MSRA: variants seen among roughly 807,000 people sequenced by gnomAD.
MSRA encodes the protein mitochondrial peptide methionine sulfoxide reductase.
MSRA carries 54 observed loss-of-function variants against 31.3 expected under a neutral mutation model. That is an observed-to-expected ratio of 1.73 (90% CI 1.39 to 2.17). MSRA has a LOEUF of 2.17. Ranked by LOEUF, MSRA falls within the 30% of genes most tolerant of loss-of-function variation. The pLI is 0.00. For missense variants in MSRA, 507 were observed against 300.9 expected, an observed-to-expected ratio of 1.69 and a Z score of -5.07; for synonymous variants, 169 against 116.5, an observed-to-expected ratio of 1.45 and a Z score of -2.90.
At chr8:10,303,674 C>T (rs535330526) in intron 4 of MSRA, among the ~76,000 whole-genome samples, 24 of 152,264 alleles carry the variant, frequency 1.6e-4, no homozygotes, top group Middle Eastern at 3.4e-3. Context: ...CTCTTATGGA[C>T]CATCTCTTTC....
intron 1 of MSRA, among the ~76,000 whole-genome samples, chr8:10,162,921 T>C (rs944291897): frequency 6.6e-6 from 1 of 152,140 alleles, no homozygotes; most frequent in South Asian, 2.1e-4. Context: ...TGGGGCCTCC[T>C]GTGGTCTTAA....
chr8:10,080,060 C>T (rs1045432319), intron 1 of MSRA, among the ~76,000 whole-genome samples: 2 of 152,204 alleles, frequency 1.3e-5, no homozygotes, highest in Non-Finnish European at 2.9e-5. Context: ...CTCTAAGCCA[C>T]GCTTCTTTCT....
intron 5 of MSRA, among the ~76,000 whole-genome samples, chr8:10,331,086 T>C (rs1167877260): frequency 6.6e-6 from 1 of 152,228 alleles, no homozygotes; most frequent in Non-Finnish European, 1.5e-5. Flanking sequence ...CAAATAGAAC[T>C]GCCTGCAAGC....
intron 1 of MSRA, among the ~76,000 whole-genome samples, chr8:10,188,005 C>G (rs1035005382): frequency 6.6e-6 from 1 of 152,082 alleles, no homozygotes; most frequent in Admixed American, 6.5e-5. Flanking sequence ...GTAAGTTCAC[C>G]TTTTAAACAA....
chr8:10,217,371 C>G (rs1440776964), intron 2 of MSRA, among the ~76,000 whole-genome samples: 1 of 152,226 alleles, frequency 6.6e-6, no homozygotes, highest in Non-Finnish European at 1.5e-5. Flanking sequence ...TTGGTCCTTG[C>G]ATCTCTGCAG....
At chr8:10,339,916 G>A (rs1272681889) in intron 5 of MSRA, among the ~76,000 whole-genome samples, 1 of 152,072 alleles carries the variant, frequency 6.6e-6, no homozygotes. Context: ...GCCCTTCTAG[G>A]CTGTTCTCAG....
At chr8:10,359,666 C>T (rs1804724364) in intron 5 of MSRA, among the ~76,000 whole-genome samples, 2 of 152,120 alleles carry the variant, frequency 1.3e-5, no homozygotes, top group African/African-American at 4.8e-5. Context: ...TCACTCCTTC[C>T]ACTGCTGCCA....
chr8:10,136,536 G>C (rs1449082602), intron 1 of MSRA, among the ~76,000 whole-genome samples: 1 of 152,184 alleles, frequency 6.6e-6, no homozygotes, highest in African/African-American at 2.4e-5. Context: ...AGGAGCTATG[G>C]ACTTGTCCTC....
chr8:10,098,884 C>T (rs1017864887), intron 1 of MSRA, among the ~76,000 whole-genome samples: 11 of 152,180 alleles, frequency 7.2e-5, no homozygotes, highest in African/African-American at 2.4e-4. Context: ...ATTGAACCTT[C>T]GAAGACGTGG....
At chr8:10,240,384 G>A (rs766040188) in intron 2 of MSRA, among the ~76,000 whole-genome samples, 30 of 152,272 alleles carry the variant, frequency 2.0e-4, no homozygotes, top group Non-Finnish European at 3.5e-4. Flanking sequence ...TGGCCAGTTC[G>A]TTCCTGCATC....
At chr8:10,140,448 T>A (rs1802607003) in intron 1 of MSRA, among the ~76,000 whole-genome samples, 1 of 152,222 alleles carries the variant, frequency 6.6e-6, no homozygotes, top group African/African-American at 2.4e-5. Context: ...TTTGATTGGT[T>A]TTCACATTTC....
chr8:10,269,513 C>CT (rs1367114412), intron 3 of MSRA, among the ~76,000 whole-genome samples: 9 of 152,226 alleles, frequency 5.9e-5, no homozygotes, highest in African/African-American at 1.9e-4. Context: ...TTTGTGTGAA[C>CT]AACAGGGAAG....
At chr8:10,150,168 T>C (rs1803538836) in intron 1 of MSRA, among the ~76,000 whole-genome samples, 1 of 152,038 alleles carries the variant, frequency 6.6e-6, no homozygotes, top group Non-Finnish European at 1.5e-5. Flanking sequence ...GAGGGAAAAG[T>C]ACAGTGCCTC....
chr8:10,259,713 A>G (rs1198877027), intron 3 of MSRA, among the ~76,000 whole-genome samples: 1 of 152,208 alleles, frequency 6.6e-6, no homozygotes, highest in Admixed American at 6.5e-5. Flanking sequence ...TGGGGAAACA[A>G]GGGAAAGCAG....
chr8:10,082,892 C>G (rs755430438), intron 1 of MSRA, among the ~76,000 whole-genome samples: 1 of 152,194 alleles, frequency 6.6e-6, no homozygotes, highest in African/African-American at 2.4e-5. Context: ...ATTTACCGAA[C>G]GACTAGATGT....
intron 2 of MSRA, among the ~76,000 whole-genome samples, chr8:10,227,371 T>C (rs962745103): frequency 6.6e-6 from 1 of 152,130 alleles, no homozygotes; most frequent in African/African-American, 2.4e-5. Flanking sequence ...TCTCATTAGA[T>C]CTGTGAAGGG....
At chr8:10,111,719 T>C (rs1302171342) in intron 1 of MSRA, among the ~76,000 whole-genome samples, 1 of 152,202 alleles carries the variant, frequency 6.6e-6, no homozygotes, top group East Asian at 1.9e-4. Flanking sequence ...GTCAAAAGCC[T>C]AAAGGAAATA....
At chr8:10,280,823 G>A (rs1307619035) in intron 3 of MSRA, among the ~76,000 whole-genome samples, 11 of 152,204 alleles carry the variant, frequency 7.2e-5, no homozygotes, top group African/African-American at 2.7e-4. Flanking sequence ...AGGTATACAC[G>A]TACAACAGCG....
intron 1 of MSRA, among the ~76,000 whole-genome samples, chr8:10,057,583 T>C (rs1479533191): frequency 6.6e-6 from 1 of 152,196 alleles, no homozygotes; most frequent in Admixed American, 6.5e-5. Flanking sequence ...GAATTGTAAT[T>C]CCCACCTGTT....
Sources: gnomAD v4.1 joint callset for allele counts (sites outside exome capture counted in the v4.1 genomes callset) on GRCh38, gnomAD v4.1.1 for gene constraint, MANE v1.5 for transcripts, NCBI Gene and HGNC (gene_info 2026-07-23, HGNC 2026-07-21) for gene names.